Variants in ZC3HAV1 observed in about 807,000 individuals in gnomAD.
The protein encoded by ZC3HAV1 is zinc finger CCCH-type antiviral protein 1.
A neutral mutation model predicts 86.6 loss-of-function variants in ZC3HAV1; 41 were observed. The observed-to-expected ratio is 0.47, with a 90% CI of 0.37 to 0.61. ZC3HAV1 has a LOEUF of 0.61. Among genes scored for constraint, ZC3HAV1 ranks in the 20% least tolerant of loss-of-function variants. The pLI is 0.00. For missense variants in ZC3HAV1, 964 were observed against 1,141.1 expected, an observed-to-expected ratio of 0.84 and a Z score of 2.24; for synonymous variants, 421 against 432.1, an observed-to-expected ratio of 0.97 and a Z score of 0.32.
At chr7:139,093,620 C>A (rs941576421) in intron 1 of ZC3HAV1, among the ~76,000 whole-genome samples, 1 of 152,216 alleles carries the variant, frequency 6.6e-6, no homozygotes, top group Non-Finnish European at 1.5e-5. Context: ...CTTGTGTCCC[C>A]GGCCCCTGCC....
chr7:139,060,452 C>T (rs1816409697), intron 9 of ZC3HAV1: 3 of 990,114 alleles, frequency 3.0e-6, no homozygotes. Context: ...TCACCAAAAC[C>T]CTTGCTCTAA....
In ZC3HAV1 at chr7:139,108,996, C is replaced by T; in HGVS notation, c.308+28G>A. ...AGTCCACCCCGACCACGGCTGCGGA[C>T]AGCGCCCCTCCCTCCGGGTGCACTC... On this transcript the variant is annotated intron_variant, in intron 1 of 12. Coordinates refer to ENST00000242351, the MANE Select transcript of ZC3HAV1 (RefSeq NM_020119.4). This position sits in a 1 kb window ranked among gnomAD's most constrained non-coding sequence, Gnocchi z 4.2. 6.6e-7 allele frequency: 1 copy of T among 1,516,914 alleles called. No homozygotes were observed. The allele number at this position is 1,516,914 out of a possible 1,614,324, so 94.0% of individuals were successfully genotyped here.
At chr7:139,097,428 A>ATATATATTTTTTTTTTTTTTT in intron 1 of ZC3HAV1, among the ~76,000 whole-genome samples, 1 of 48,158 alleles carries the variant, frequency 2.1e-5, no homozygotes, top group African/African-American at 1.1e-4. Flanking sequence ...ATATATATAT[A>ATATATATTTTTTTTTTTTTTT]TTTTTTTTTT....
chr7:139,048,239 A>T (rs1442895607), intron 12 of ZC3HAV1, among the ~76,000 whole-genome samples: 6 of 152,196 alleles, frequency 3.9e-5, no homozygotes, highest in Non-Finnish European at 8.8e-5. Context: ...AACCTCAGAT[A>T]ACGATTGCTG....
intron 1 of ZC3HAV1, among the ~76,000 whole-genome samples, chr7:139,100,013 A>T (rs1412945741): frequency 6.6e-6 from 1 of 152,022 alleles, no homozygotes; most frequent in Non-Finnish European, 1.5e-5. Flanking sequence ...CAAACAAAAA[A>T]TAAATACTTT....
intron 7 of ZC3HAV1, among the ~76,000 whole-genome samples, chr7:139,070,663 C>CA (rs765065216): frequency 0.019 from 1,041 of 54,032 alleles, 45 homozygotes; most frequent in African/African-American, 0.047. Flanking sequence ...GACTCCGTCT[C>CA]AAAAAAAAAA....
chr7:139,109,265 G>A lies in ZC3HAV1; in HGVS notation c.67C>T (p.Leu23=). 6.2e-7 allele frequency: 1 copy of A among 1,611,934 alleles called. No individual in the cohort carries two copies. The highest frequency in any genetic ancestry group is 8.5e-7 in the Non-Finnish European group (1 of 1,179,502). ...GCGATCTCCTGGAGCAGCGCGTCCA[G>A]GGCCATGCGGCCCCCGTGGGCGCAC... ...ILCAHGGRMA[L]DALLQEIALS... Residue 23 remains leucine (L), a synonymous_variant, in exon 1 of 13, where the codon CTG becomes TTG. Transcript: ENST00000242351.
At chr7:139,097,636 G>C (rs1355628411) in intron 1 of ZC3HAV1, among the ~76,000 whole-genome samples, 1 of 150,634 alleles carries the variant, frequency 6.6e-6, no homozygotes, top group Non-Finnish European at 1.5e-5. Context: ...GGGTTTCACC[G>C]TGTTAGCCAG....
intron 2 of ZC3HAV1, among the ~76,000 whole-genome samples, chr7:139,086,657 T>G (rs1386668455): frequency 6.6e-6 from 1 of 152,230 alleles, no homozygotes; most frequent in Non-Finnish European, 1.5e-5. Context: ...AAATCTCATC[T>G]TGAATTGTAG....
intron 1 of ZC3HAV1, among the ~76,000 whole-genome samples, chr7:139,100,399 T>C (rs1341512714): frequency 1.3e-5 from 2 of 149,096 alleles, no homozygotes; most frequent in South Asian, 2.1e-4. Flanking sequence ...TAGCCAGGGG[T>C]GGTGGCATGC....
chr7:139,047,830 T>C lies in ZC3HAV1; in HGVS notation c.2473A>G (p.Ile825Val), dbSNP rs1195935317. The C allele has an allele frequency of 1.2e-6, 2 of 1,612,034 alleles. No homozygotes were observed. Among genetic ancestry groups the C allele is most frequent in the Non-Finnish European group, 1.7e-6 (2 of 1,179,650 alleles). The change falls in exon 13 of 13, where the codon ATC becomes GTC. Residue 825 changes from isoleucine to valine, a missense_variant. Coordinates refer to ENST00000242351, the MANE Select transcript of ZC3HAV1 (RefSeq NM_020119.4). ...TACGGGCAATTTTTGTGGGAATAGA[T>C]GGCATCTTTTGCAAAGTAAATTCCT... is the stretch of plus-strand genomic sequence containing the variant. ...GKGIYFAKDA[I>V]YSHKNCPYDA...
intron 9 of ZC3HAV1, among the ~76,000 whole-genome samples, chr7:139,057,075 G>A (rs1045379856): frequency 7.3e-5 from 11 of 150,572 alleles, no homozygotes; most frequent in African/African-American, 2.5e-4. Context: ...TAGGCCAGGT[G>A]TGGTGGCTCA....
chr7:139,074,089 C>A, intron 6 of ZC3HAV1, 59 bp from the exon 7 acceptor site: 2 of 1,510,206 alleles, frequency 1.3e-6, no homozygotes, highest in Admixed American at 1.8e-5. Context: ...TTTCTACAAT[C>A]TCGTCTTCCC....
rs1014464470 is a variant in ZC3HAV1, at chr7:139,086,546, C to T, written c.445-2514G>A. 2.6e-5 allele frequency among the ~76,000 whole-genome samples: 4 copies of T among 152,084 alleles called. No homozygotes were observed. The East Asian group carries it at 5.8e-4, about 22-fold the overall frequency. Reference sequence around the variant, plus strand: ...CTCACAGCACTGTAGTCAATGGGCTCTTCTGGGATCCCTTACACAACAGTG... The same window carrying T: ...CTCACAGCACTGTAGTCAATGGGCTTTTCTGGGATCCCTTACACAACAGTG... On this transcript the variant is annotated intron_variant, in intron 2 of 12. Transcript: ENST00000242351.
chr7:139,109,693 T>C lies in ZC3HAV1; in HGVS notation c.-362A>G. ...GTTCTCCAGCCGGGCTCCGCGAGCCTTCTTTAGAAAGAAGAGAAACTAAAA... is the reference window on the plus strand; with the variant it reads ...GTTCTCCAGCCGGGCTCCGCGAGCCCTCTTTAGAAAGAAGAGAAACTAAAA... On this transcript the variant is annotated 5_prime_UTR_variant, in exon 1 of 13. Transcript: ENST00000242351. The C allele has an allele frequency of 4.7e-6, 1 of 214,096 alleles. No individual in the cohort carries two copies. The highest frequency in any genetic ancestry group is 9.3e-6 in the Non-Finnish European group (1 of 107,520). The allele number at this position is 214,096 out of a possible 1,614,324, so 13.3% of individuals were successfully genotyped here.
Position 139,055,144 on chromosome 7 carries a change from T to C in ZC3HAV1, c.2187+61A>G. On this transcript the variant is annotated intron_variant, in intron 10 of 12. Coordinates refer to ENST00000242351, the MANE Select transcript of ZC3HAV1 (RefSeq NM_020119.4). ...TCATCCAGACAAACACATACACTTG[T>C]AGCAAAGTACTTTTTCTAACTTTTA... The C allele has an allele frequency of 5.5e-6, 8 of 1,447,062 alleles. No homozygotes were observed. In the East Asian group the frequency reaches 9.3e-5, roughly 17 times the overall value. 89.6% of individuals were successfully genotyped at this position (1,447,062 alleles called of 1,614,324 possible).
At chr7:139,097,773 G>A (rs1260550956) in intron 1 of ZC3HAV1, among the ~76,000 whole-genome samples, 4 of 151,586 alleles carry the variant, frequency 2.6e-5, no homozygotes, top group African/African-American at 9.7e-5. Context: ...AATCTTTTCA[G>A]CCCAGAAAAG....
In ZC3HAV1 at chr7:139,045,396, T is replaced by G. The variant is rs1815927057; in HGVS notation, c.*2198A>C. The stretch of plus-strand genomic sequence containing the variant: ...ATGACAGCGGTTTTGAACTTTATCC[T>G]GAAGACTTGATGTGTGTTTTGAATG... On this transcript the variant is annotated 3_prime_UTR_variant, in exon 13 of 13. Coordinates refer to ENST00000242351, the MANE Select transcript of ZC3HAV1 (RefSeq NM_020119.4). 6.6e-6 allele frequency: 1 copy of G among 152,226 alleles called. No homozygotes were observed. The highest frequency in any genetic ancestry group is 1.5e-5 in the Non-Finnish European group (1 of 68,054). The allele number at this position is 152,226 out of a possible 1,614,324, so 9.4% of individuals were successfully genotyped here.
rs1346684781 is a variant in ZC3HAV1 at position 139,054,083 on chromosome 7, G to A, written c.2200C>T (p.His734Tyr). 1 of 1,577,928 alleles carries A rather than the reference G, an allele frequency of 6.3e-7. No individual in the cohort carries two copies. The highest frequency in any genetic ancestry group is 8.5e-7 in the Non-Finnish European group (1 of 1,169,712). Residue 734 changes from histidine to tyrosine, a missense_variant, in exon 11 of 13, where the codon CAT (histidine) becomes TAT (tyrosine). Coordinates refer to ENST00000242351, the MANE Select transcript of ZC3HAV1 (RefSeq NM_020119.4). ...CTGACATATTCTGGATGTAGGTGAT[G>A]GATCTCTGACAACTAATAAAGTTTA... is the stretch of plus-strand genomic sequence containing the variant. ...SSKKYKLSEI[H>Y]HLHPEYVRVS...
Sources: gnomAD v4.1 joint callset for allele counts (sites outside exome capture counted in the v4.1 genomes callset) on GRCh38, gnomAD v4.1.1 for gene constraint, Gnocchi (gnomAD v3.1) non-coding constraint, MANE v1.5 for transcripts, NCBI Gene and HGNC (gene_info 2026-07-23, HGNC 2026-07-21) for gene names.